The following CDH22 variants were observed in gnomAD, a reference collection of about 807,000 sequenced individuals.
CDH22 encodes the protein cadherin-22.
CDH22 carries 30 observed loss-of-function variants against 58.4 expected under a neutral mutation model. The ratio of observed to expected loss-of-function variants is 0.51; its 90% CI spans 0.38 to 0.70. The LOEUF (loss-of-function observed/expected upper bound fraction) is 0.70. Among genes scored for constraint, CDH22 ranks in the 30% least tolerant of loss-of-function variants. The pLI is 0.00. For missense variants in CDH22, 1,014 were observed against 1,233.9 expected (o/e 0.82, Z 2.67); for synonymous variants, 513 against 558.2 (o/e 0.92, Z 1.14).
At chr20:46,192,210 C>G (rs954365195) in intron 8 of CDH22, among the ~76,000 whole-genome samples, 1 of 152,192 alleles carries the variant, frequency 6.6e-6, no homozygotes, top group African/African-American at 2.4e-5. Context: ...TGTGTGCACA[C>G]TACATAGTAG....
chr20:46,202,008 G>A (rs948205137), intron 7 of CDH22, among the ~76,000 whole-genome samples: 4 of 152,084 alleles, frequency 2.6e-5, no homozygotes, highest in Admixed American at 1.3e-4. Context: ...AAGAGGTCTC[G>A]GTCAGGCATC....
intron 10 of CDH22, among the ~76,000 whole-genome samples, 196 bp from the exon 11 acceptor site, chr20:46,178,393 A>T (rs1441146487): frequency 6.6e-6 from 1 of 151,942 alleles, no homozygotes; most frequent in Non-Finnish European, 1.5e-5. Context: ...CATGCTGCCC[A>T]AAGATTCTGT....
chr20:46,301,396 G>A (rs1464417204), intron 1 of CDH22, among the ~76,000 whole-genome samples: 1 of 152,024 alleles, frequency 6.6e-6, no homozygotes, highest in Non-Finnish European at 1.5e-5. Context: ...TGGCAGAGCT[G>A]GAACTTCAAC....
chr20:46,264,479 G>A (rs986665348), intron 1 of CDH22, among the ~76,000 whole-genome samples: 1 of 152,146 alleles, frequency 6.6e-6, no homozygotes, highest in Admixed American at 6.5e-5. Context: ...TTCCATGCAG[G>A]GCACTTTATA....
intron 1 of CDH22, among the ~76,000 whole-genome samples, chr20:46,294,701 G>A (rs1322799113): frequency 6.6e-6 from 1 of 152,174 alleles, no homozygotes; most frequent in Non-Finnish European, 1.5e-5. Context: ...ACCTCTGCTG[G>A]GGTGGGTAGG....
intron 1 of CDH22, among the ~76,000 whole-genome samples, chr20:46,294,972 C>T (rs1459439959): frequency 1.3e-5 from 2 of 152,198 alleles, no homozygotes; most frequent in African/African-American, 4.8e-5. Flanking sequence ...TTCTTCACAC[C>T]CTTCATTCTC....
At chr20:46,223,670 TTTC>T (rs1568664092) in intron 4 of CDH22, among the ~76,000 whole-genome samples, 1 of 46,566 alleles carries the variant, frequency 2.1e-5, no homozygotes, top group Non-Finnish European at 4.2e-5. Flanking sequence ...TCTTTCCTTC[TTTC>T]TTTCTTTCTT....
At chr20:46,224,325 A>G (rs1331482842) in intron 4 of CDH22, among the ~76,000 whole-genome samples, 1 of 152,206 alleles carries the variant, frequency 6.6e-6, no homozygotes, top group African/African-American at 2.4e-5. Context: ...AGTGCCTAGC[A>G]CAGAGCCAGG....
At chr20:46,197,901 G>A (rs1183303228) in intron 8 of CDH22, among the ~76,000 whole-genome samples, 1 of 152,164 alleles carries the variant, frequency 6.6e-6, no homozygotes, top group Non-Finnish European at 1.5e-5. Context: ...GGAGGAGGAA[G>A]AGGGCTGGCA....
At chr20:46,244,202 C>T (rs960660278) in intron 2 of CDH22, among the ~76,000 whole-genome samples, 6 of 152,146 alleles carry the variant, frequency 3.9e-5, no homozygotes, top group African/African-American at 1.2e-4. Flanking sequence ...GGCTCACTTA[C>T]GAGTGAGGAA....
intron 1 of CDH22, among the ~76,000 whole-genome samples, chr20:46,255,170 T>C (rs528903626): frequency 6.6e-6 from 1 of 152,212 alleles, no homozygotes; most frequent in African/African-American, 2.4e-5. Flanking sequence ...TACAGGTGCA[T>C]GTCACCACAC....
chr20:46,206,640 T>G (rs1733277533), intron 7 of CDH22, among the ~76,000 whole-genome samples: 3 of 152,204 alleles, frequency 2.0e-5, no homozygotes, highest in Non-Finnish European at 4.4e-5. Flanking sequence ...TCTCAGCTCA[T>G]GTGTCACATC....
intron 7 of CDH22, among the ~76,000 whole-genome samples, chr20:46,208,878 CCACCA>C (rs2086019538): frequency 4.6e-5 from 7 of 152,250 alleles, no homozygotes; most frequent in Admixed American, 3.3e-4. Flanking sequence ...CAGGCATGAG[CCACCA>C]CACCCGGCCT....
intron 1 of CDH22, among the ~76,000 whole-genome samples, chr20:46,252,092 C>A (rs2086380780): frequency 6.6e-6 from 1 of 151,978 alleles, no homozygotes; most frequent in African/African-American, 2.4e-5. Flanking sequence ...TAGAAGGCAT[C>A]TTCAAGAGCC....
intron 2 of CDH22, among the ~76,000 whole-genome samples, chr20:46,246,908 GA>G (rs2086333603): frequency 6.6e-6 from 1 of 151,954 alleles, no homozygotes; most frequent in Admixed American, 6.6e-5. Context: ...CGTGGTATGA[GA>G]GTGTGTGTTT....
At chr20:46,201,306 T>TG (rs1449460424) in intron 7 of CDH22, among the ~76,000 whole-genome samples, 1 of 151,888 alleles carries the variant, frequency 6.6e-6, no homozygotes, top group Non-Finnish European at 1.5e-5. Flanking sequence ...TCTCCCAGAG[T>TG]GGGGAGGGGA....
chr20:46,220,825 G>T (rs1023319066), intron 4 of CDH22: 4 of 152,384 alleles, frequency 2.6e-5, no homozygotes, highest in African/African-American at 9.6e-5. Flanking sequence ...GTGTGTGTGA[G>T]TTGGGCCCCC....
rs113128516 is a variant in CDH22 at position 46,264,659 on chromosome 20, G to A, written c.-399-12966C>T. 9.3e-3 allele frequency among the ~76,000 whole-genome samples: 1,411 copies of A among 152,208 alleles called. 11 individuals are homozygous for A. Among genetic ancestry groups the A allele is most frequent in the Non-Finnish European group, 0.015 (999 of 68,004 alleles). ...AGTGGGAGGGAAATGAGGATGGGCC[G>A]GGAGGTGCTCAGTGGCTGCTGGAAA... On this transcript the variant is annotated intron_variant, in intron 1 of 11. Coordinates refer to ENST00000537909, the MANE Select transcript of CDH22 (RefSeq NM_021248.3).
At chr20:46,226,261 TC>T (rs780069136) in intron 4 of CDH22, among the ~76,000 whole-genome samples, 41,303 of 78,594 alleles carry the variant, frequency 0.53, 9,269 homozygotes, top group African/African-American at 0.65. Flanking sequence ...TTCTTCTTCT[TC>T]TTCTTCTTCT....
Sources: gnomAD v4.1 joint callset for allele counts (sites outside exome capture counted in the v4.1 genomes callset) on GRCh38, gnomAD v4.1.1 for gene constraint, MANE v1.5 for transcripts, NCBI Gene and HGNC (gene_info 2026-07-23, HGNC 2026-07-21) for gene names.